The following RIMBP2 variants were observed in gnomAD, a reference collection of about 807,000 sequenced individuals.
RIMBP2 encodes RIMS-binding protein 2.
Under a neutral mutation model 118.6 loss-of-function variants are expected in RIMBP2, and 48 were observed. That is an observed-to-expected ratio of 0.40 (90% CI 0.32 to 0.51). The LOEUF is 0.51. Among genes scored for constraint, RIMBP2 ranks in the 20% least tolerant of loss-of-function variants. The pLI, the probability that RIMBP2 is intolerant of heterozygous loss-of-function variation, is 0.41. For missense variants in RIMBP2, 1,551 were observed against 1,768.3 expected (o/e 0.88, Z 2.20); for synonymous variants, 762 against 742.9 (o/e 1.03, Z -0.42).
chr12:130,633,737 G>A (rs2062151393), intron 1 of RIMBP2: 4 of 152,174 alleles, frequency 2.6e-5, no homozygotes, highest in Non-Finnish European at 4.4e-5. Flanking sequence ...TTGATTTCCC[G>A]TCTGTGTCTA....
rs2077348285 is a variant in RIMBP2 at position 130,434,292 on chromosome 12, T to C, written c.2253+442A>G. 6.6e-6 allele frequency among the ~76,000 whole-genome samples: 1 copy of C among 152,194 alleles called. No homozygotes were observed. The highest frequency in any genetic ancestry group is 2.4e-5 in the African/African-American group (1 of 41,446). ...TGAATGTCTTCCTCATGAGCCCAGC[T>C]CTGCCGTTTTGCTGTTCTGAAGGAC... On this transcript the variant is annotated intron_variant, in intron 14 of 22. Coordinates refer to ENST00000690449, the MANE Select transcript of RIMBP2 (RefSeq NM_001393629.1). The surrounding 1 kb of genome is among the most constrained non-coding windows in gnomAD (Gnocchi z 5.7).
At chr12:130,515,450 A>G in intron 3 of RIMBP2, among the ~76,000 whole-genome samples, 1 of 152,112 alleles carries the variant, frequency 6.6e-6, no homozygotes, top group East Asian at 1.9e-4. Flanking sequence ...GGAACCTCAT[A>G]TAAGTGGAAT....
chr12:130,572,197 CG>C (rs1200686300), intron 2 of RIMBP2, among the ~76,000 whole-genome samples: 2 of 152,212 alleles, frequency 1.3e-5, no homozygotes, highest in African/African-American at 4.8e-5. Context: ...AGGGACAAAG[CG>C]GCCGGAAAAC....
intron 2 of RIMBP2, among the ~76,000 whole-genome samples, chr12:130,612,969 G>GC (rs1594038979): frequency 7.0e-6 from 1 of 143,512 alleles, no homozygotes; most frequent in Non-Finnish European, 1.5e-5. Context: ...CTAGTCTCCA[G>GC]CCCCCCGTCA....
Position 130,451,212 on chromosome 12 carries a change from A to G in RIMBP2, c.487T>C (p.Cys163Arg). ...TFLSRSGSARCRSESDMENER... is the reference protein window; with the variant it reads ...TFLSRSGSARRRSESDMENER... Reference sequence around the variant, plus strand: ...GGACTCACGTCTGACTCAGATCTGCATCTTGCGCTACCGGATCTCGACAGG... The same window carrying G: ...GGACTCACGTCTGACTCAGATCTGCGTCTTGCGCTACCGGATCTCGACAGG... Residue 163 changes from cysteine (C) to arginine (R), a missense_variant, in exon 8 of 23, where the codon TGC becomes CGC. This residue lies in a region of RIMBP2 where 239 missense variants were observed against 256.8 expected (regional missense o/e 0.93). Coordinates refer to ENST00000690449, the MANE Select transcript of RIMBP2 (RefSeq NM_001393629.1). The G allele has an allele frequency of 1.2e-6, 2 of 1,614,016 alleles. No homozygotes were observed. Among genetic ancestry groups the G allele is most frequent in the Non-Finnish European group, 8.5e-7 (1 of 1,179,942 alleles).
chr12:130,412,615 T>G lies in RIMBP2; in HGVS notation c.3589+4A>C, dbSNP rs751276985. 1.4e-4 allele frequency: 226 copies of G among 1,613,392 alleles called. No homozygotes were observed. Among genetic ancestry groups the G allele is most frequent in the Admixed American group, 1.1e-3 (64 of 59,906 alleles). ...GGGAAGGTCGAATAGGGGTTTGCGC[T>G]TACCTATTTTCTCCACAGGTGTATT... On this transcript the variant is annotated splice_donor_region_variant and intron_variant, in intron 19 of 22. Coordinates refer to ENST00000690449, the MANE Select transcript of RIMBP2 (RefSeq NM_001393629.1).
intron 19 of RIMBP2, among the ~76,000 whole-genome samples, chr12:130,408,244 T>C (rs1218403862): frequency 6.6e-6 from 1 of 152,182 alleles, no homozygotes; most frequent in African/African-American, 2.4e-5. Context: ...GTTTTAAAAG[T>C]GCCTGTTTGT....
chr12:130,653,510 A>G (rs1444451999), intron 1 of RIMBP2, among the ~76,000 whole-genome samples: 1 of 152,182 alleles, frequency 6.6e-6, no homozygotes, highest in Non-Finnish European at 1.5e-5. Context: ...CAGGCTCAGA[A>G]TGCAAGCTGT....
intron 1 of RIMBP2, among the ~76,000 whole-genome samples, chr12:130,711,408 G>A (rs1241333637): frequency 2.0e-5 from 3 of 152,222 alleles, no homozygotes; most frequent in African/African-American, 4.8e-5. Context: ...GACTTAGAAT[G>A]TGGTGTCTGT....
rs780665312 is a variant in RIMBP2 at position 130,510,671 on chromosome 12, G to T, written c.-126-3901C>A. Among the ~76,000 whole-genome samples, 108 of 152,294 alleles carry T rather than the reference G, an allele frequency of 7.1e-4. 1 individual carries two copies. Among genetic ancestry groups the T allele is most frequent in the Non-Finnish European group, 1.2e-3 (82 of 68,028 alleles). ...TTAAGGAGAGACAAGGTTTTGTCATGTTGGCCAGGCTGGTCTTGAACTCCT... is the reference window on the plus strand; with the variant it reads ...TTAAGGAGAGACAAGGTTTTGTCATTTTGGCCAGGCTGGTCTTGAACTCCT... On this transcript the variant is annotated intron_variant, in intron 3 of 22. Transcript: ENST00000690449.
chr12:130,712,561 C>T (rs1413270459), intron 1 of RIMBP2, among the ~76,000 whole-genome samples: 1 of 152,186 alleles, frequency 6.6e-6, no homozygotes, highest in Non-Finnish European at 1.5e-5. Context: ...CGTCGCCTCC[C>T]ACGATGGCCA....
intron 4 of RIMBP2, among the ~76,000 whole-genome samples, chr12:130,488,615 T>C (rs1475831987): frequency 1.3e-5 from 2 of 151,996 alleles, no homozygotes; most frequent in African/African-American, 2.4e-5. Context: ...TTGAAACATC[T>C]ATAGAAAAAT....
In RIMBP2 at chr12:130,442,724, GTA is replaced by G; in HGVS notation, c.692-66_692-65del. 4 of 1,371,510 alleles carry G rather than the reference GTA, an allele frequency of 2.9e-6. No individual in the cohort carries two copies. Among genetic ancestry groups the G allele is most frequent in the Non-Finnish European group, 4.0e-6 (4 of 991,892 alleles). The allele number at this position is 1,371,510 out of a possible 1,614,324, so 85.0% of individuals were successfully genotyped here. ...CAGCAGGGGCCTCGAGGCCCCCAGT[GTA>G]CTCCCACCTCCCCCACCAGGACCAT... On this transcript the variant is annotated intron_variant, in intron 10 of 22. Coordinates refer to ENST00000690449, the MANE Select transcript of RIMBP2 (RefSeq NM_001393629.1). The surrounding 1 kb of genome is among the most constrained non-coding windows in gnomAD (Gnocchi z 6.9).
intron 2 of RIMBP2, among the ~76,000 whole-genome samples, chr12:130,538,494 G>C (rs1479091694): frequency 6.6e-6 from 1 of 151,948 alleles, no homozygotes; most frequent in Non-Finnish European, 1.5e-5. Context: ...CACTCCTCCA[G>C]CACCCAGCCA....
rs1389418262 is a variant in RIMBP2 at position 130,424,786 on chromosome 12, T to C, written c.2485A>G (p.Lys829Glu). 17 of 1,232,768 alleles carry C rather than the reference T, an allele frequency of 1.4e-5. No individual in the cohort carries two copies. Among genetic ancestry groups the C allele is most frequent in the Non-Finnish European group, 1.6e-5 (16 of 988,614 alleles). The allele number at this position is 1,232,768 out of a possible 1,614,324, so 76.4% of individuals were successfully genotyped here. A position where few individuals can be genotyped will look rare whatever the true frequency, so the allele number is the denominator to read the frequency against. ...QPEFPHQPHR[K>E]RLFSIPEVAE... The stretch of plus-strand genomic sequence containing the variant: ...ACTTCGGGGATACTGAAAAGTCTCT[T>C]CCTGTGGGGCTGGTGGGGAAACTCG... Residue 829 changes from lysine (K) to glutamate (E), a missense_variant, in exon 16 of 23, where the codon AAG (lysine) becomes GAG (glutamate). Physicochemically the swap from Lys to Glu is moderately conservative, Grantham distance 56 (BLOSUM62 1). Around this residue, in one of 5 missense-constraint regions of RIMBP2, gnomAD observed 1,038 missense variants for 1,125.1 expected, o/e 0.92. Transcript: ENST00000690449. This position sits in a 1 kb window ranked among gnomAD's most constrained non-coding sequence, Gnocchi z 9.8.
intron 2 of RIMBP2, among the ~76,000 whole-genome samples, chr12:130,572,022 T>G (rs913433361): frequency 6.6e-6 from 1 of 152,244 alleles, no homozygotes; most frequent in Non-Finnish European, 1.5e-5. Context: ...CACAGCTGCA[T>G]CCATGCCAGC....
rs1330281760 is a variant in RIMBP2 at position 130,424,705 on chromosome 12, A to ACGGC, written c.2562_2565dup (p.Ser856AlafsTer72). 2 of 1,231,650 alleles carry ACGGC rather than the reference A, an allele frequency of 1.6e-6. No individual in the cohort carries two copies. The highest frequency in any genetic ancestry group is 3.1e-5 in the African/African-American group (2 of 64,286). The allele number at this position is 1,231,650 out of a possible 1,614,324, so 76.3% of individuals were successfully genotyped here. On this transcript the variant is annotated frameshift_variant, in exon 16 of 23. Transcript: ENST00000690449. LOFTEE classifies it high-confidence loss of function. The surrounding 1 kb of genome is among the most constrained non-coding windows in gnomAD (Gnocchi z 9.8). ...GCCAGCCCCGTCCTGGCCCTGGGGG[A>ACGGC]CGGCCCTGCACCCTGCTTGTGTAGC...
intron 1 of RIMBP2, among the ~76,000 whole-genome samples, chr12:130,646,466 GCTACCTCCCTCA>G (rs143023114): frequency 0.013 from 584 of 43,298 alleles, 223 homozygotes; most frequent in Admixed American, 0.029. Context: ...CACCTCCCTC[GCTACCTCCCTCA>G]CTACTGCAAA....
intron 5 of RIMBP2, among the ~76,000 whole-genome samples, chr12:130,472,512 C>T (rs573984261): frequency 3.3e-5 from 5 of 152,194 alleles, no homozygotes; most frequent in Non-Finnish European, 7.3e-5. Flanking sequence ...GCTCTTAAAA[C>T]GTGGAACACT....
Sources: allele counts gnomAD v4.1 joint callset (sites outside exome capture counted in the v4.1 genomes callset), GRCh38; gene constraint gnomAD v4.1.1; regional missense constraint gnomAD v4.1.1; non-coding constraint Gnocchi (gnomAD v3.1); transcripts MANE v1.5; gene names NCBI Gene and HGNC (gene_info 2026-07-23, HGNC 2026-07-21).